Variants in CCDC82 observed in about 807,000 individuals in gnomAD.
CCDC82 encodes coiled-coil domain-containing protein 82.
A neutral mutation model predicts 60.6 loss-of-function variants in CCDC82; 47 were observed. The ratio of observed to expected loss-of-function variants is 0.77; its 90% CI spans 0.61 to 0.99. The LOEUF (loss-of-function observed/expected upper bound fraction) is 0.99. Ranked by LOEUF, CCDC82 falls within the 50% of genes least tolerant of loss-of-function variation. CCDC82 has a pLI of 0.00. For synonymous variants in CCDC82, 212 were observed against 207.4 expected (o/e 1.02, Z -0.19); for missense variants, 588 against 633.0 (o/e 0.93, Z 0.76).
intron 3 of CCDC82, 21 bp downstream of exon 3, chr11:96,386,233 T>G (rs1055504385): frequency 3.9e-5 from 6 of 152,558 alleles, no homozygotes; most frequent in Non-Finnish European, 8.8e-5. Context: ...CCAAAAATTT[T>G]TTGAGCAATG....
intron 6 of CCDC82, 51 bp downstream of exon 6, chr11:96,373,324 A>G: frequency 8.3e-7 from 1 of 1,204,816 alleles, no homozygotes; most frequent in East Asian, 2.4e-5. Flanking sequence ...GTTGTTTTAA[A>G]ATTGGAAAAA....
chr11:96,385,779 A>C (rs1222740639), intron 3 of CCDC82: 1 of 152,204 alleles, frequency 6.6e-6, no homozygotes, highest in African/African-American at 2.4e-5. Context: ...GTATATATTA[A>C]AAGAACAATT....
intron 6 of CCDC82, among the ~76,000 whole-genome samples, chr11:96,371,770 A>G (rs984791484): frequency 6.6e-6 from 1 of 152,118 alleles, no homozygotes; most frequent in Non-Finnish European, 1.5e-5. Context: ...ACTCCATTCT[A>G]CTGATCCCAT....
chr11:96,372,768 A>G (rs1591193070), intron 6 of CCDC82, among the ~76,000 whole-genome samples: 1 of 147,110 alleles, frequency 6.8e-6, no homozygotes, highest in East Asian at 1.9e-4. Flanking sequence ...ATATATTTAT[A>G]AATTTGCTCC....
At position 96,384,274 on chromosome 11, in the gene CCDC82, A is replaced by G. The variant is rs778387124; in HGVS notation, c.474T>C (p.Asn158=). The change falls in exon 4 of 10, where the codon AAT becomes AAC. Residue 158 remains asparagine, a synonymous_variant. Transcript: ENST00000646818. ...TTTGTCCAGTTTGTTTGTTGAGATC[A>G]TTATCCTCTTGACTTAAATGTTTTT... ...DQEKHLSQED[N]DLNKQTGQII... 1.2e-6 allele frequency: 2 copies of G among 1,613,394 alleles called. No individual in the cohort carries two copies. Among genetic ancestry groups the G allele is most frequent in the East Asian group, 4.5e-5 (2 of 44,838 alleles).
Position 96,365,019 on chromosome 11 carries a change from C to G in CCDC82, c.1341G>C (p.Arg447Ser), listed in dbSNP as rs139262571. Residue 447 changes from arginine (R) to serine (S), a missense_variant, in exon 8 of 10, where the codon AGG (arginine) becomes AGC (serine). Arg to Ser is a moderately radical substitution (Grantham distance 110). Transcript: ENST00000646818. ...ACATGAAATTATCTATTTGCATGGT[C>G]CTGGTGTTATACAACTCTCCTGATA... ...VHLSGELYNT[R>S]TMQIDNFMSH... is the part of the protein sequence containing the mutation. 2 of 1,610,274 alleles carry G rather than the reference C, an allele frequency of 1.2e-6. No individual in the cohort carries two copies. Among genetic ancestry groups the G allele is most frequent in the Non-Finnish European group, 1.7e-6 (2 of 1,178,460 alleles).
intron 1 of CCDC82, chr11:96,389,331 AACACCCGGAAGGGTG>A (rs1429011589): frequency 6.6e-6 from 1 of 152,200 alleles, no homozygotes; most frequent in East Asian, 1.9e-4. Flanking sequence ...CTCAGGAATT[AACACCCGGAAGGGTG>A]ACTTTCATGA....
intron 9 of CCDC82, chr11:96,357,628 A>G (rs1454526889): frequency 1.0e-6 from 1 of 977,414 alleles, no homozygotes; most frequent in Non-Finnish European, 1.2e-6. Context: ...ATTATATAAC[A>G]TATACAGTAT....
Position 96,381,163 on chromosome 11 carries a change from T to C in CCDC82, c.991+2106A>G, listed in dbSNP as rs566588798. 2.0e-5 allele frequency: 3 copies of C among 151,800 alleles called. No homozygotes were observed. In the South Asian group the frequency reaches 6.2e-4, roughly 31 times the overall value. 9.4% of individuals were successfully genotyped at this position (151,800 alleles called of 1,614,324 possible). A position where few individuals can be genotyped will look rare whatever the true frequency, so the allele number is the denominator to read the frequency against. ...GAAGTTCCCATATGCTAGCCTTTTA[T>C]TTCCATTAATTGGCAGGAGTTGATA... On this transcript the variant is annotated intron_variant, in intron 5 of 9. Transcript: ENST00000646818.
At position 96,367,820 on chromosome 11, in the gene CCDC82, CT is replaced by C. The variant is rs777554159; in HGVS notation, c.1210-2671del. 9.5e-3 allele frequency among the ~76,000 whole-genome samples: 1,169 copies of C among 122,694 alleles called. 11 individuals are homozygous for C. Among genetic ancestry groups the C allele is most frequent in the Admixed American group, 0.037 (416 of 11,376 alleles). The allele number at this position is 122,694 out of a possible 152,430, so 80.5% of individuals were successfully genotyped here. ...TGCTACAATCTTATGAAATGTATTT[CT>C]TTTTTTTTTTTTTTTTTTGAGACAG... On this transcript the variant is annotated intron_variant, in intron 7 of 9. Transcript: ENST00000646818.
At position 96,353,034 on chromosome 11, in the gene CCDC82, T is replaced by C. The variant is rs1457839966; in HGVS notation, c.*612A>G. The C allele has an allele frequency of 6.6e-6, 1 of 152,182 alleles. No homozygotes were observed. The highest frequency in any genetic ancestry group is 1.5e-5 in the Non-Finnish European group (1 of 68,018). The allele number at this position is 152,182 out of a possible 1,614,324, so 9.4% of individuals were successfully genotyped here. ...ATGAAAATTTACATAAAATTATTCC[T>C]GAATGTGAGGGTTGAAAGACTCTAG... On this transcript the variant is annotated 3_prime_UTR_variant, in exon 10 of 10. Transcript: ENST00000646818.
At chr11:96,380,327 GA>G (rs1238857893) in intron 5 of CCDC82, among the ~76,000 whole-genome samples, 2 of 151,800 alleles carry the variant, frequency 1.3e-5, no homozygotes, top group African/African-American at 4.8e-5. Flanking sequence ...TAAAATCATT[GA>G]AAATAAAGAG....
rs1265736415 is a variant in CCDC82 at position 96,370,524 on chromosome 11, A to T, written c.1209+489T>A. 2.0e-5 allele frequency among the ~76,000 whole-genome samples: 3 copies of T among 152,228 alleles called. No individual in the cohort carries two copies. In the East Asian group the frequency reaches 5.8e-4, roughly 29 times the overall value. On this transcript the variant is annotated intron_variant, in intron 7 of 9. Coordinates refer to ENST00000646818, the MANE Select transcript of CCDC82 (RefSeq NM_024725.4). ...TCCCAAACAATGTGTTATGGAAATC[A>T]AGCAGGTAACAGGTGTTACCTGTTT...
chr11:96,387,472 G>A (rs554447454), intron 2 of CCDC82, 58 bp downstream of exon 2: 1 of 152,266 alleles, frequency 6.6e-6, no homozygotes, highest in African/African-American at 2.4e-5. Flanking sequence ...CTAGAAGGAA[G>A]ATATCTATTT....
intron 6 of CCDC82, among the ~76,000 whole-genome samples, chr11:96,371,914 C>A (rs143122367): frequency 1.4e-4 from 21 of 152,138 alleles, no homozygotes; most frequent in Non-Finnish European, 2.8e-4. Context: ...CATCTGTCAT[C>A]GTATGAATTT....
intron 5 of CCDC82, chr11:96,381,546 T>C (rs967392394): frequency 1.7e-4 from 26 of 151,806 alleles, no homozygotes; most frequent in Admixed American, 1.6e-3. Context: ...AACACCTTGT[T>C]CCTACCAGAG....
At chr11:96,371,179 T>C (rs369093948) in intron 6 of CCDC82, 42 bp from the exon 7 acceptor site, 46 of 1,387,642 alleles carry the variant, frequency 3.3e-5, no homozygotes, top group Middle Eastern at 1.9e-4. Context: ...TTTTGTTAAT[T>C]AGAAATATTT....
At chr11:96,357,660 C>A in intron 9 of CCDC82, 1 of 984,480 alleles carries the variant, frequency 1.0e-6, no homozygotes, top group Non-Finnish European at 1.2e-6. Context: ...TTTTTCTATA[C>A]CTAGTATCTA....
At chr11:96,361,211 T>C (rs1864644649) in intron 8 of CCDC82, among the ~76,000 whole-genome samples, 1 of 152,182 alleles carries the variant, frequency 6.6e-6, no homozygotes. Flanking sequence ...CTGTTCTACA[T>C]GAAGTATAGG....
Sources: gnomAD v4.1 joint callset for allele counts (sites outside exome capture counted in the v4.1 genomes callset) on GRCh38, gnomAD v4.1.1 for gene constraint, MANE v1.5 for transcripts, NCBI Gene and HGNC (gene_info 2026-07-23, HGNC 2026-07-21) for gene names.